Variants in DNAAF1 observed in about 807,000 individuals in gnomAD.
DNAAF1 encodes dynein axonemal assembly factor 1, also known as dynein assembly factor 1, axonemal.
DNAAF1 carries 65 observed loss-of-function variants against 71.1 expected under a neutral mutation model. That is an observed-to-expected ratio of 0.91 (90% confidence interval 0.75 to 1.12). The LOEUF is 1.12. Ranked by LOEUF, DNAAF1 falls within the 50% of genes most tolerant of loss-of-function variation. The pLI, the probability that DNAAF1 is intolerant of heterozygous loss-of-function variation, is 0.00. For synonymous variants in DNAAF1, 414 were observed against 354.6 expected (o/e 1.17, Z -1.88); for missense variants, 1,178 against 899.8 (o/e 1.31, Z -3.96).
In DNAAF1 at chr16:84,145,338, G is replaced by T; in HGVS notation, c.-103G>T. ...GACTAGGGCGCCAGCGGCTGGCGAA[G>T]AAGGAAAGAGGGTACTCTCTGGCTG... On this transcript the variant is annotated 5_prime_UTR_variant, in exon 1 of 12. Coordinates refer to ENST00000378553, the MANE Select transcript of DNAAF1 (RefSeq NM_178452.6). 2 of 1,524,428 alleles carry T rather than the reference G, an allele frequency of 1.3e-6. No homozygotes were observed. Among genetic ancestry groups the T allele is most frequent in the Non-Finnish European group, 1.8e-6 (2 of 1,135,646 alleles). 94.4% of individuals were successfully genotyped at this position (1,524,428 alleles called of 1,614,324 possible). A position where few individuals can be genotyped will look rare whatever the true frequency, so the allele number is the denominator to read the frequency against.
intron 6 of DNAAF1, among the ~76,000 whole-genome samples, chr16:84,161,459 G>A (rs2087713739): frequency 6.6e-6 from 1 of 152,188 alleles, no homozygotes; most frequent in East Asian, 1.9e-4. Flanking sequence ...AATCACTGCA[G>A]CTTCAAACTC....
chr16:84,168,530 G>A (rs569164715), intron 7 of DNAAF1, among the ~76,000 whole-genome samples: 8 of 152,012 alleles, frequency 5.3e-5, no homozygotes, highest in East Asian at 1.9e-4. Context: ...CTCCCGCCTC[G>A]GCCTCCCAAA....
At chr16:84,172,168 A>T in intron 8 of DNAAF1, 92 bp from the exon 9 acceptor site, 6 of 1,234,440 alleles carry the variant, frequency 4.9e-6, no homozygotes, top group Non-Finnish European at 7.0e-6. Context: ...TGAGCCACCG[A>T]GCCCGGCCCT....
rs111472069 is a variant in DNAAF1 at position 84,165,838 on chromosome 16, C to G, written c.919C>G (p.Gln307Glu). The change falls in exon 7 of 12, where the codon CAG becomes GAG. Residue 307 changes from glutamine to glutamate, a missense_variant. By Grantham distance (29) the Gln-to-Glu change is conservative. Coordinates refer to ENST00000378553, the MANE Select transcript of DNAAF1 (RefSeq NM_178452.6). The stretch of plus-strand genomic sequence containing the variant: ...GTACGCAGCTGAAAAGGAGGAGAGA[C>G]AGCAGTGGGAGAGCAGGGAGCGGAA... The part of the protein sequence containing the change: ...GGYAAEKEER[Q>E]QWESRERKKI... 0.023 allele frequency: 37,781 copies of G among 1,613,316 alleles called. 599 individuals are homozygous for G. The highest frequency in any genetic ancestry group is 0.047 in the African/African-American group (3,486 of 74,752).
intron 4 of DNAAF1, 79 bp downstream of exon 4, chr16:84,154,877 A>G (rs1307885641): frequency 6.6e-6 from 8 of 1,214,784 alleles, no homozygotes; most frequent in African/African-American, 4.5e-5. Context: ...AAGCTTTTAT[A>G]TTATGGGCAA....
At chr16:84,155,477 G>A (rs577937780) in intron 4 of DNAAF1, 106 bp from the exon 5 acceptor site, 46 of 1,286,720 alleles carry the variant, frequency 3.6e-5, no homozygotes, top group Admixed American at 3.5e-4. Context: ...AGATTCTCCC[G>A]CTTTAGCCTT....
chr16:84,177,479 C>A, intron 11 of DNAAF1: 3 of 420,544 alleles, frequency 7.1e-6, no homozygotes, highest in Non-Finnish European at 1.4e-5. Flanking sequence ...TAGGGGCCTG[C>A]CACCACGCCC....
intron 1 of DNAAF1, among the ~76,000 whole-genome samples, chr16:84,146,325 G>C (rs1412749289): frequency 6.6e-6 from 1 of 152,196 alleles, no homozygotes; most frequent in Non-Finnish European, 1.5e-5. Flanking sequence ...TTGGAGTCTA[G>C]TCCAGTGCCT....
chr16:84,172,236 C>G (rs2088397711), intron 8 of DNAAF1, 24 bp from the exon 9 acceptor site: 1 of 1,611,090 alleles, frequency 6.2e-7, no homozygotes, highest in Non-Finnish European at 8.5e-7. Context: ...TAAACTAACT[C>G]CAAGACTTGT....
rs527423763 is a variant in DNAAF1 at position 84,149,136 on chromosome 16, G to T, written c.254G>T (p.Gly85Val). The stretch of plus-strand genomic sequence containing the variant: ...CCAAGAGAAGACAGGGAAGATCGGG[G>T]CCCCAGGTATGTGGGCATACTCCTA... Reference protein sequence around the residue: ...AHPREDREDRGPRMTKSSLQK... With the variant: ...AHPREDREDRVPRMTKSSLQK... The change falls in exon 2 of 12, where the codon GGC (glycine) becomes GTC (valine). Residue 85 changes from glycine to valine, a missense_variant. Transcript: ENST00000378553. 14 of 1,614,072 alleles carry T rather than the reference G, an allele frequency of 8.7e-6. No individual in the cohort carries two copies. In the Admixed American group the frequency reaches 2.3e-4, roughly 27 times the overall value.
In DNAAF1 at chr16:84,177,719, C is replaced by G. The variant is rs779352128; in HGVS notation, c.2066-10C>G. 6.8e-6 allele frequency: 11 copies of G among 1,611,592 alleles called. No individual in the cohort carries two copies. The East Asian group carries it at 2.5e-4, about 36-fold the overall frequency. Reference sequence around the variant, plus strand: ...CAGGGAGAAAGCACAGGTCACCCTTCCTTCCACAGTGCCGACTGAGAGCGC... The same window carrying G: ...CAGGGAGAAAGCACAGGTCACCCTTGCTTCCACAGTGCCGACTGAGAGCGC... On this transcript the variant is annotated splice_polypyrimidine_tract_variant and intron_variant, in intron 11 of 11. Coordinates refer to ENST00000378553, the MANE Select transcript of DNAAF1 (RefSeq NM_178452.6).
Position 84,154,894 on chromosome 16 carries a change from G to A in DNAAF1, c.574+96G>A, listed in dbSNP as rs944780769. Reference sequence around the variant, plus strand: ...GCTTTTATATTATGGGCAAGAAGTGGTGTTTTTTTTTGTCTTTTTTTTGTT... The same window carrying A: ...GCTTTTATATTATGGGCAAGAAGTGATGTTTTTTTTTGTCTTTTTTTTGTT... On this transcript the variant is annotated intron_variant, in intron 4 of 11. Transcript: ENST00000378553. 4 of 1,115,250 alleles carry A rather than the reference G, an allele frequency of 3.6e-6. No homozygotes were observed. In the Admixed American group the frequency reaches 5.6e-5, roughly 16 times the overall value. 69.1% of individuals were successfully genotyped at this position (1,115,250 alleles called of 1,614,324 possible).
At position 84,145,411 on chromosome 16, in the gene DNAAF1, T is replaced by C. The variant is rs746549741; in HGVS notation, c.-30T>C. 54 of 1,571,494 alleles carry C rather than the reference T, an allele frequency of 3.4e-5. No individual in the cohort carries two copies. The highest frequency in any genetic ancestry group is 4.0e-5 in the Non-Finnish European group (46 of 1,158,642). On this transcript the variant is annotated 5_prime_UTR_variant, in exon 1 of 12. Coordinates refer to ENST00000378553, the MANE Select transcript of DNAAF1 (RefSeq NM_178452.6). ...GCCGCGAACCTGGGCCCCCCAAAGC[T>C]GCGGGGCGTTCGGTGTCGCCGAAGT... is the stretch of plus-strand genomic sequence containing the variant.
rs375232772 is a variant in DNAAF1, at chr16:84,165,771, T to C, written c.864-12T>C. The C allele has an allele frequency of 2.9e-5, 47 of 1,613,056 alleles. No homozygotes were observed. The highest frequency in any genetic ancestry group is 5.5e-5 in the South Asian group (5 of 91,052). On this transcript the variant is annotated splice_polypyrimidine_tract_variant and intron_variant, in intron 6 of 11. Coordinates refer to ENST00000378553, the MANE Select transcript of DNAAF1 (RefSeq NM_178452.6). ...CACCTCCCCTATTTATGTTTCTTTG[T>C]TTTTTAAACAGAGCTTGTGCGGAGG...
chr16:84,168,856 A>ACACACACACACACT (rs1227607259), intron 7 of DNAAF1, among the ~76,000 whole-genome samples: 7 of 150,990 alleles, frequency 4.6e-5, no homozygotes, highest in Non-Finnish European at 1.0e-4. Context: ...ACACACACAC[A>ACACACACACACACT]CTTTGCTTTT....
chr16:84,160,213 G>A (rs775236603), intron 6 of DNAAF1, among the ~76,000 whole-genome samples: 4 of 152,286 alleles, frequency 2.6e-5, no homozygotes, highest in East Asian at 3.9e-4. Flanking sequence ...GGTGAAGATC[G>A]TACCCCATTG....
At chr16:84,176,799 C>T (rs1461951542) in intron 11 of DNAAF1, 2 of 191,902 alleles carry the variant, frequency 1.0e-5, no homozygotes, top group Non-Finnish European at 2.2e-5. Context: ...GCCTTCAAGG[C>T]AGGGAAGGCA....
rs55903132 is a variant in DNAAF1, at chr16:84,168,827, TACACAC to T, written c.1031-1007_1031-1002del. ...CATAATTTGCTACACATTTGCCACA[TACACAC>T]ACACACACACACACACACACACACT... On this transcript the variant is annotated intron_variant, in intron 7 of 11. Transcript: ENST00000378553. 6.2e-5 allele frequency among the ~76,000 whole-genome samples: 9 copies of T among 145,996 alleles called. No individual in the cohort carries two copies. In the South Asian group the frequency reaches 6.5e-4, roughly 11 times the overall value.
Position 84,148,582 on chromosome 16 carries a change from T to TTCTCTCTCTC in DNAAF1, c.125-419_125-410dup, listed in dbSNP as rs1287215005. On this transcript the variant is annotated intron_variant, in intron 1 of 11. Coordinates refer to ENST00000378553, the MANE Select transcript of DNAAF1 (RefSeq NM_178452.6). The stretch of plus-strand genomic sequence containing the variant: ...ATTGTTACACATTTAAAGATTACTG[T>TTCTCTCTCTC]TCTCTCTCTCTCTCTTTTTTTTTTT... 4.3e-5 allele frequency among the ~76,000 whole-genome samples: 5 copies of TTCTCTCTCTC among 117,530 alleles called. No individual in the cohort carries two copies. In the South Asian group the frequency reaches 7.7e-4, roughly 18 times the overall value. The allele number at this position is 117,530 out of a possible 152,430, so 77.1% of individuals were successfully genotyped here. A position where few individuals can be genotyped will look rare whatever the true frequency, so the allele number is the denominator to read the frequency against.
Sources: gnomAD v4.1 joint callset for allele counts (sites outside exome capture counted in the v4.1 genomes callset) on GRCh38, gnomAD v4.1.1 for gene constraint, MANE v1.5 for transcripts, NCBI Gene and HGNC (gene_info 2026-07-23, HGNC 2026-07-21) for gene names.